LRRK1: variants seen among roughly 807,000 people sequenced by gnomAD.
LRRK1 encodes the protein leucine-rich repeat serine/threonine-protein kinase 1.
Under a neutral mutation model 209.1 loss-of-function variants are expected in LRRK1, and 113 were observed. That is an observed-to-expected ratio of 0.54 (90% confidence interval 0.46 to 0.63). The LOEUF is 0.63. LRRK1 is among the 30% of genes least tolerant of loss of function. The pLI is 0.00. For synonymous variants in LRRK1, 1,144 were observed against 1,099.7 expected (o/e 1.04, Z -0.80); for missense variants, 2,284 against 2,632.2 (o/e 0.87, Z 2.89).
intron 2 of LRRK1, among the ~76,000 whole-genome samples, chr15:100,962,452 C>G (rs914841110): frequency 2.6e-5 from 4 of 151,968 alleles, no homozygotes; most frequent in African/African-American, 9.7e-5. Context: ...ATTTCTTGAA[C>G]CTGGGAGGCA....
intron 11 of LRRK1, 68 bp downstream of exon 11, chr15:101,014,496 C>G (rs2033435190): frequency 3.8e-6 from 4 of 1,061,220 alleles, no homozygotes; most frequent in East Asian, 4.8e-5. Flanking sequence ...AGCAGGTCCT[C>G]TGAATGGTGG....
chr15:100,987,020 C>T (rs138249448), intron 4 of LRRK1, among the ~76,000 whole-genome samples: 81 of 152,316 alleles, frequency 5.3e-4, no homozygotes, highest in Non-Finnish European at 9.6e-4. Context: ...AAGTTACTAG[C>T]ATGGTTACTG....
chr15:100,989,133 A>G, intron 5 of LRRK1, 117 bp from the exon 6 acceptor site: 1 of 902,138 alleles, frequency 1.1e-6, no homozygotes, highest in Non-Finnish European at 1.7e-6. Flanking sequence ...GTAAATAGAG[A>G]AGTCCAACAT....
At chr15:100,934,626 C>CAAAAAA (rs71151991) in intron 2 of LRRK1, among the ~76,000 whole-genome samples, 1 of 72,384 alleles carries the variant, frequency 1.4e-5, no homozygotes. Flanking sequence ...CCCATCTCTA[C>CAAAAAA]AAAAAAAAAA....
chr15:101,066,641 C>T lies in LRRK1; in HGVS notation c.5770C>T (p.Arg1924Cys), dbSNP rs780922727. 9.9e-6 allele frequency: 16 copies of T among 1,614,014 alleles called. No individual in the cohort carries two copies. Among genetic ancestry groups the T allele is most frequent in the South Asian group, 4.4e-5 (4 of 91,086 alleles). Residue 1924 changes from arginine (R) to cysteine (C), a missense_variant and splice_region_variant, in exon 33 of 34, where the codon CGC becomes TGC. Arg to Cys is a radical substitution (Grantham distance 180, BLOSUM62 -3). Coordinates refer to ENST00000388948, the MANE Select transcript of LRRK1 (RefSeq NM_024652.6). ...CCCTTCTGGGTTTTGGTTGCTTAGG[C>T]GCGGTGGAGATGTTATCGTCATTGG... ...AVRDLIWVPRRGGDVIVIGLE... is the reference protein window; with the variant it reads ...AVRDLIWVPRCGGDVIVIGLE...
intron 2 of LRRK1, among the ~76,000 whole-genome samples, chr15:100,959,704 T>C (rs4965346): frequency 0.7 from 107,220 of 152,114 alleles, 38,124 homozygotes; most frequent in Middle Eastern, 0.76. Context: ...TTTATTCATA[T>C]GCATTGTGCA....
chr15:100,922,770 T>C (rs1466033798), intron 1 of LRRK1, among the ~76,000 whole-genome samples: 2 of 152,242 alleles, frequency 1.3e-5, no homozygotes, highest in Middle Eastern at 3.2e-3. Context: ...CCTTCGACTT[T>C]TCAGGCTTCC....
chr15:101,065,193 T>G, intron 31 of LRRK1, 159 bp from the exon 32 acceptor site: 1 of 737,986 alleles, frequency 1.4e-6, no homozygotes, highest in South Asian at 1.8e-5. Flanking sequence ...TCTTTAGGAG[T>G]AGCCCCGGCC....
chr15:100,978,636 C>T (rs1403943290), intron 3 of LRRK1, among the ~76,000 whole-genome samples: 1 of 152,156 alleles, frequency 6.6e-6, no homozygotes, highest in Non-Finnish European at 1.5e-5. Flanking sequence ...GCTCTAAACA[C>T]ATACATTGGA....
chr15:101,062,459 C>G (rs2036242638), intron 30 of LRRK1, 115 bp from the exon 31 acceptor site: 1 of 731,944 alleles, frequency 1.4e-6, no homozygotes. Context: ...ATCCATGTAA[C>G]TTTCCAAGAC....
At chr15:100,945,603 C>G (rs764301976) in intron 2 of LRRK1, among the ~76,000 whole-genome samples, 10 of 145,100 alleles carry the variant, frequency 6.9e-5, no homozygotes, top group Non-Finnish European at 1.0e-4. Context: ...AAATGATTAT[C>G]CTGCCTCAGC....
In LRRK1 at chr15:101,051,908, G is replaced by T; in HGVS notation, c.3637G>T (p.Val1213Leu). ...ISCPRHPDLP[V>L]PLQELVPELF... ...CTGCCCCAGACACCCGGACCTCCCC[G>T]TGCCGCTGCAGGAGCTGGTCCCTGA... The change falls in exon 24 of 34, where the codon GTG (valine) becomes TTG (leucine). Residue 1213 changes from valine to leucine, a missense_variant. Val to Leu is a conservative substitution (Grantham distance 32, BLOSUM62 1). Coordinates refer to ENST00000388948, the MANE Select transcript of LRRK1 (RefSeq NM_024652.6). 6.2e-7 allele frequency: 1 copy of T among 1,613,956 alleles called. No homozygotes were observed.
chr15:101,014,101 A>G (rs1447638816), intron 10 of LRRK1, among the ~76,000 whole-genome samples: 1 of 151,688 alleles, frequency 6.6e-6, no homozygotes, highest in Non-Finnish European at 1.5e-5. Context: ...TTGAGGGAGG[A>G]GCTCCTGTAG....
At chr15:100,920,746 C>T (rs1380352459) in intron 1 of LRRK1, among the ~76,000 whole-genome samples, 2 of 150,450 alleles carry the variant, frequency 1.3e-5, no homozygotes, top group Non-Finnish European at 3.0e-5. Flanking sequence ...TAGCAGCGTG[C>T]GTCTGTGTGT....
rs368142344 is a variant in LRRK1 at position 101,012,010 on chromosome 15, A to G, written c.1284A>G (p.Lys428=). 2.5e-6 allele frequency: 4 copies of G among 1,595,558 alleles called. No individual in the cohort carries two copies. The highest frequency in any genetic ancestry group is 2.3e-5 in the South Asian group (2 of 87,052). The change falls in exon 10 of 34, where the codon AAA becomes AAG. Residue 428 remains lysine (K), a splice_region_variant and synonymous_variant. Transcript: ENST00000388948. ...TTTTTTTCTCGTCAATCTCTTAGAA[A>G]TGTTGTAAAGCTTCCAGAAATGCCC... ...VFPDPWACPL[K]CCKASRNALE...
At chr15:101,068,027 C>T (rs1275144938) in intron 33 of LRRK1, among the ~76,000 whole-genome samples, 2 of 152,138 alleles carry the variant, frequency 1.3e-5, no homozygotes, top group African/African-American at 4.8e-5. Context: ...CCACGCAGGC[C>T]GCACACACGG....
intron 1 of LRRK1, among the ~76,000 whole-genome samples, chr15:100,923,587 C>A (rs577922064): frequency 2.6e-5 from 4 of 152,304 alleles, no homozygotes; most frequent in African/African-American, 7.2e-5. Context: ...GTCTTACCCT[C>A]CCTCTGGTCC....
chr15:100,994,327 C>A (rs1031916398), intron 6 of LRRK1, among the ~76,000 whole-genome samples: 1 of 152,184 alleles, frequency 6.6e-6, no homozygotes, highest in Non-Finnish European at 1.5e-5. Context: ...TCCCTGGGAA[C>A]TTTTTAAAAT....
chr15:101,014,410 C>G lies in LRRK1; in HGVS notation c.1514C>G (p.Ser505Cys). Residue 505 changes from serine (S) to cysteine (C), a missense_variant, in exon 11 of 34, where the codon TCC (serine) becomes TGC (cysteine). This residue lies in a region of LRRK1 where 494 missense variants were observed against 522.1 expected (regional missense o/e 0.95). Transcript: ENST00000388948. Reference protein sequence around the residue: ...TCRQLKTLDLSRNQLGKNEDG... With the variant: ...TCRQLKTLDLCRNQLGKNEDG... Reference sequence around the variant, plus strand: ...AGGCAGCTCAAAACCCTGGATCTCTCCAGAAACCAACTTGGCAAGTAAGCA... The same window carrying G: ...AGGCAGCTCAAAACCCTGGATCTCTGCAGAAACCAACTTGGCAAGTAAGCA... 6.2e-7 allele frequency: 1 copy of G among 1,613,564 alleles called. No individual in the cohort carries two copies. Among genetic ancestry groups the G allele is most frequent in the Non-Finnish European group, 8.5e-7 (1 of 1,179,536 alleles).
Sources: gnomAD v4.1 joint callset for allele counts (sites outside exome capture counted in the v4.1 genomes callset) on GRCh38, gnomAD v4.1.1 for gene constraint, gnomAD v4.1.1 regional missense constraint, MANE v1.5 for transcripts, NCBI Gene and HGNC (gene_info 2026-07-23, HGNC 2026-07-21) for gene names.